ECE1: variants seen among roughly 807,000 people sequenced by gnomAD.
ECE1 encodes endothelin converting enzyme 1, also known as endothelin-converting enzyme 1.
In ECE1, 35 loss-of-function variants were observed where a neutral mutation model predicts 98.6. The observed-to-expected ratio is 0.35, with a 90% CI of 0.27 to 0.47. The LOEUF is 0.47. ECE1 is among the 20% of genes least tolerant of loss of function. The pLI, the probability that ECE1 is intolerant of heterozygous loss-of-function variation, is 1.00. For synonymous variants in ECE1, 394 were observed against 407.1 expected (o/e 0.97, Z 0.39); for missense variants, 814 against 1,025.3 (o/e 0.79, Z 2.81).
At chr1:21,243,751 CCA>C (rs2098199610) in intron 10 of ECE1, among the ~76,000 whole-genome samples, 1 of 152,242 alleles carries the variant, frequency 6.6e-6, no homozygotes, top group African/African-American at 2.4e-5. Flanking sequence ...TAACCCAGGG[CCA>C]GTCCAAGGTA....
At chr1:21,277,480 G>T (rs1183838668) in intron 3 of ECE1, among the ~76,000 whole-genome samples, 1 of 152,146 alleles carries the variant, frequency 6.6e-6, no homozygotes, top group Admixed American at 6.5e-5. Context: ...ACCAGGAGGG[G>T]GTTCAGAACT....
chr1:21,275,154 A>G (rs1046893458), intron 3 of ECE1, among the ~76,000 whole-genome samples: 3 of 152,210 alleles, frequency 2.0e-5, no homozygotes, highest in Non-Finnish European at 4.4e-5. Context: ...GCTGAGAGTG[A>G]GCCTAACGCG....
Position 21,225,034 on chromosome 1 carries a change from A to C in ECE1, c.2040+216T>G, listed in dbSNP as rs542569996. Among the ~76,000 whole-genome samples, 6 of 152,326 alleles carry C rather than the reference A, an allele frequency of 3.9e-5. No individual in the cohort carries two copies. Among genetic ancestry groups the C allele is most frequent in the African/African-American group, 1.4e-4 (6 of 41,578 alleles). On this transcript the variant is annotated intron_variant, in intron 17 of 18. Coordinates refer to ENST00000374893, the MANE Select transcript of ECE1 (RefSeq NM_001397.3). The surrounding 1 kb of genome is among the most constrained non-coding windows in gnomAD (Gnocchi z 5.3). ...CCTGTGTCTTTGTCAGGCCAGACTC[A>C]GAGCACAAAGCCTTCTGGTGCCAAG...
intron 17 of ECE1, among the ~76,000 whole-genome samples, chr1:21,223,610 C>T (rs1347677432): frequency 3.3e-5 from 5 of 152,142 alleles, no homozygotes; most frequent in African/African-American, 9.7e-5. Flanking sequence ...GGATTACTGG[C>T]GCCTGCCACC....
intron 10 of ECE1, among the ~76,000 whole-genome samples, chr1:21,244,235 G>C (rs909841961): frequency 6.6e-6 from 1 of 152,146 alleles, no homozygotes; most frequent in Non-Finnish European, 1.5e-5. Flanking sequence ...GGGCCCGAGC[G>C]TGATGTATCC....
chr1:21,325,869 G>A (rs530788090), intron 1 of ECE1, among the ~76,000 whole-genome samples: 30 of 152,314 alleles, frequency 2.0e-4, no homozygotes, highest in Middle Eastern at 3.4e-3. Flanking sequence ...CTACTGTCCC[G>A]ACGCCACCCA....
chr1:21,226,250 C>T (rs1444265859), intron 16 of ECE1, among the ~76,000 whole-genome samples: 1 of 152,180 alleles, frequency 6.6e-6, no homozygotes, highest in African/African-American at 2.4e-5. Context: ...GAGGAATGTC[C>T]ACTCTCTGCT....
rs2098161884 is a variant in ECE1 at position 21,217,252 on chromosome 1, C to T, written c.*2703G>A. ...GACAGACACCCAGACACATGGCCCT[C>T]CGTACAAGTATTTTATTTCCATTAC... On this transcript the variant is annotated 3_prime_UTR_variant, in exon 19 of 19. Coordinates refer to ENST00000374893, the MANE Select transcript of ECE1 (RefSeq NM_001397.3). 6.6e-6 allele frequency: 1 copy of T among 152,236 alleles called. No individual in the cohort carries two copies. The allele number at this position is 152,236 out of a possible 1,614,324, so 9.4% of individuals were successfully genotyped here. A position where few individuals can be genotyped will look rare whatever the true frequency, so the allele number is the denominator to read the frequency against.
rs374765464 is a variant in ECE1, at chr1:21,235,925, G to A, written c.1491C>T (p.Ala497=). ...ATCCTATCATGTTGTAGATGGCATC[G>A]GCCTGGACAGGACAGACAGAGGAAG... ...EETRKSAKEK[A]DAIYNMIGYP... The change falls in exon 13 of 19, where the codon GCC becomes GCT. Residue 497 remains alanine (A), a splice_region_variant and synonymous_variant. Transcript: ENST00000374893. This position sits in a 1 kb window ranked among gnomAD's most constrained non-coding sequence, Gnocchi z 4.2. The A allele has an allele frequency of 2.4e-5, 38 of 1,613,972 alleles. No homozygotes were observed. The highest frequency in any genetic ancestry group is 7.7e-5 in the South Asian group (7 of 91,088).
chr1:21,233,536 G>A lies in ECE1; in HGVS notation c.1670+22C>T, dbSNP rs960455791. 8.7e-6 allele frequency: 14 copies of A among 1,609,426 alleles called. No homozygotes were observed. The highest frequency in any genetic ancestry group is 3.3e-5 in the Admixed American group (2 of 59,980). ...ACAGGTGGGGAGCTGGCACCTTGCC[G>A]GCAGGGCCTGGGGGAACTCACTGAT... is the stretch of plus-strand genomic sequence containing the variant. On this transcript the variant is annotated intron_variant, in intron 14 of 18. Coordinates refer to ENST00000374893, the MANE Select transcript of ECE1 (RefSeq NM_001397.3). The surrounding 1 kb of genome is among the most constrained non-coding windows in gnomAD (Gnocchi z 4.0).
At chr1:21,301,170 T>C (rs1445841652) in intron 1 of ECE1, among the ~76,000 whole-genome samples, 2 of 152,172 alleles carry the variant, frequency 1.3e-5, no homozygotes, top group Non-Finnish European at 2.9e-5. Flanking sequence ...CTAGGCTGGC[T>C]TGGGGCTATG....
At position 21,223,850 on chromosome 1, in the gene ECE1, G is replaced by A. The variant is rs140309649; in HGVS notation, c.2040+1400C>T. 2.6e-4 allele frequency among the ~76,000 whole-genome samples: 39 copies of A among 152,224 alleles called. No homozygotes were observed. In the East Asian group the frequency reaches 3.3e-3, roughly 13 times the overall value. On this transcript the variant is annotated intron_variant, in intron 17 of 18. Coordinates refer to ENST00000374893, the MANE Select transcript of ECE1 (RefSeq NM_001397.3). ...TGGCCTCAAATGATCCGCCCACCTC[G>A]GCCTCCCAAAGTGCTGGGATTATAG...
upstream of ECE1, among the ~76,000 whole-genome samples, chr1:21,295,344 C>CA (rs1020694861): frequency 5.3e-5 from 8 of 152,106 alleles, no homozygotes; most frequent in South Asian, 1.0e-3. Flanking sequence ...AACCCTGTCT[C>CA]AAAAAAACAA....
intron 8 of ECE1, among the ~76,000 whole-genome samples, chr1:21,255,554 TA>T (rs2098218800): frequency 1.3e-5 from 2 of 152,172 alleles, no homozygotes; most frequent in Admixed American, 1.3e-4. Context: ...AAGGGAAAAG[TA>T]ATGACAGAAT....
At chr1:21,315,969 G>A (rs1638823420) in intron 1 of ECE1, among the ~76,000 whole-genome samples, 1 of 152,102 alleles carries the variant, frequency 6.6e-6, no homozygotes, top group Admixed American at 6.5e-5. Flanking sequence ...CCTCTCTGGT[G>A]CCACAGTCAG....
chr1:21,225,226 G>C lies in ECE1; in HGVS notation c.2040+24C>G. 6.2e-7 allele frequency: 1 copy of C among 1,613,280 alleles called. No homozygotes were observed. The highest frequency in any genetic ancestry group is 1.1e-5 in the South Asian group (1 of 91,052). On this transcript the variant is annotated intron_variant, in intron 17 of 18. Transcript: ENST00000374893. The surrounding 1 kb of genome is among the most constrained non-coding windows in gnomAD (Gnocchi z 5.3). ...GAAGGAGCCAGCACTGGGACCGTGC[G>C]CGTGTGGGGAGCGGGGCTCTCACCC... is the stretch of plus-strand genomic sequence containing the variant.
At chr1:21,273,627 C>T (rs2098243124) in intron 3 of ECE1, among the ~76,000 whole-genome samples, 1 of 152,116 alleles carries the variant, frequency 6.6e-6, no homozygotes, top group Admixed American at 6.6e-5. Flanking sequence ...ATCACTCCTA[C>T]GTACAAGCAG....
chr1:21,339,222 G>A (rs1229988879), intron 1 of ECE1, among the ~76,000 whole-genome samples: 1 of 152,200 alleles, frequency 6.6e-6, no homozygotes, highest in Non-Finnish European at 1.5e-5. Flanking sequence ...AACAGTCGGT[G>A]AATGGGGAAG....
At chr1:21,252,743 G>C (rs974495324) in intron 8 of ECE1, among the ~76,000 whole-genome samples, 4 of 152,242 alleles carry the variant, frequency 2.6e-5, no homozygotes, top group Non-Finnish European at 5.9e-5. Flanking sequence ...GTTACCTGGA[G>C]TATGGGAAGA....
Sources: gnomAD v4.1 joint callset for allele counts (sites outside exome capture counted in the v4.1 genomes callset) on GRCh38, gnomAD v4.1.1 for gene constraint, Gnocchi (gnomAD v3.1) non-coding constraint, MANE v1.5 for transcripts, NCBI Gene and HGNC (gene_info 2026-07-23, HGNC 2026-07-21) for gene names.